MORC1: variants seen among roughly 807,000 people sequenced by gnomAD.
The protein encoded by MORC1 is MORC family CW-type zinc finger 1, also known as MORC family CW-type zinc finger protein 1.
MORC1 carries 59 observed loss-of-function variants against 134.9 expected under a neutral mutation model. The ratio of observed to expected loss-of-function variants is 0.44; its 90% confidence interval spans 0.35 to 0.54. MORC1 has a LOEUF of 0.54. MORC1 is among the 20% of genes least tolerant of loss of function. The pLI, the probability that MORC1 is intolerant of heterozygous loss-of-function variation, is 0.00. For missense variants in MORC1, 947 were observed against 1,134.5 expected, an observed-to-expected ratio of 0.83 and a Z score of 2.37; for synonymous variants, 395 against 391.7, an observed-to-expected ratio of 1.01 and a Z score of -0.10.
rs57164466 is a variant in MORC1 at position 108,991,210 on chromosome 3, T to C, written c.2188-4261A>G. ...AGTAGGAGAATGACATAATATGACA[T>C]ATTCTGGATGATATACTCAGATTTT... is the stretch of plus-strand genomic sequence containing the variant. On this transcript the variant is annotated intron_variant, in intron 21 of 27. Coordinates refer to ENST00000232603, the MANE Select transcript of MORC1 (RefSeq NM_014429.4). Among the ~76,000 whole-genome samples the C allele has an allele frequency of 7.5e-3, 1,138 of 152,294 alleles. 9 individuals carry two copies. The highest frequency in any genetic ancestry group is 0.016 in the African/African-American group (683 of 41,570).
intron 24 of MORC1, among the ~76,000 whole-genome samples, chr3:108,976,008 T>C (rs748615170): frequency 2.2e-4 from 33 of 152,330 alleles, no homozygotes; most frequent in African/African-American, 7.9e-4. Context: ...TATGCTGATA[T>C]ATGTTAGACA....
intron 20 of MORC1, among the ~76,000 whole-genome samples, chr3:109,002,235 G>A (rs1251598997): frequency 1.3e-5 from 2 of 152,308 alleles, no homozygotes; most frequent in African/African-American, 2.4e-5. Flanking sequence ...ATAGTATCTT[G>A]GTTATTGGAG....
intron 8 of MORC1, among the ~76,000 whole-genome samples, chr3:109,082,019 A>C (rs1950529487): frequency 6.6e-6 from 1 of 152,016 alleles, no homozygotes; most frequent in African/African-American, 2.4e-5. Flanking sequence ...GTGCTAGGTA[A>C]CTCAGACAAA....
At chr3:109,099,490 A>G (rs778008458) in intron 5 of MORC1, 24 bp from the exon 6 acceptor site, 4 of 1,544,692 alleles carry the variant, frequency 2.6e-6, no homozygotes, top group African/African-American at 2.8e-5. Flanking sequence ...GAAGAACATC[A>G]TGTTTTACAC....
At chr3:108,987,151 T>C (rs1947916141) in intron 21 of MORC1, among the ~76,000 whole-genome samples, 1 of 152,224 alleles carries the variant, frequency 6.6e-6, no homozygotes, top group Admixed American at 6.5e-5. Flanking sequence ...GATTGCATTA[T>C]CATAGTCATG....
At position 109,046,889 on chromosome 3, in the gene MORC1, A is replaced by C. The variant is rs143656390; in HGVS notation, c.1330+7839T>G. On this transcript the variant is annotated intron_variant, in intron 14 of 27. Coordinates refer to ENST00000232603, the MANE Select transcript of MORC1 (RefSeq NM_014429.4). ...CCTACTCAGTGTAAGTCCCATATACAGTACTTTTTTTTCTTCAAAGATGCA... is the reference window on the plus strand; with the variant it reads ...CCTACTCAGTGTAAGTCCCATATACCGTACTTTTTTTTCTTCAAAGATGCA... Among the ~76,000 whole-genome samples, 86 of 152,294 alleles carry C rather than the reference A, an allele frequency of 5.6e-4. 1 individual carries two copies. In the East Asian group the frequency reaches 0.014, roughly 24 times the overall value.
At chr3:109,029,536 T>C (rs575725021) in intron 16 of MORC1, among the ~76,000 whole-genome samples, 36 of 152,358 alleles carry the variant, frequency 2.4e-4, no homozygotes, top group Admixed American at 2.0e-3. Context: ...TTCAGCCAAG[T>C]AATAGGCATC....
intron 4 of MORC1, among the ~76,000 whole-genome samples, chr3:109,101,201 G>A (rs147594176): frequency 6.6e-6 from 1 of 152,138 alleles, no homozygotes; most frequent in African/African-American, 2.4e-5. Context: ...CTTGGCACTT[G>A]GTGGGTGTTA....
At chr3:109,110,522 A>C (rs936641643) in intron 3 of MORC1, among the ~76,000 whole-genome samples, 5 of 152,222 alleles carry the variant, frequency 3.3e-5, no homozygotes, top group Admixed American at 2.6e-4. Context: ...TACATTCACA[A>C]AACTCTGGAA....
chr3:108,962,127 A>G (rs1355863642), intron 27 of MORC1, among the ~76,000 whole-genome samples: 1 of 152,120 alleles, frequency 6.6e-6, no homozygotes. Flanking sequence ...CTGAAGTGGT[A>G]TGGTTGATAG....
intron 26 of MORC1, among the ~76,000 whole-genome samples, chr3:108,965,970 G>A (rs557111256): frequency 2.6e-5 from 4 of 152,246 alleles, no homozygotes; most frequent in South Asian, 4.1e-4. Flanking sequence ...CAGCCTTTTG[G>A]TTTATTCTCT....
chr3:109,106,635 C>T lies in MORC1; in HGVS notation c.155-2718G>A, dbSNP rs140072973. 2.7e-4 allele frequency among the ~76,000 whole-genome samples: 41 copies of T among 152,288 alleles called. No homozygotes were observed. The East Asian group carries it at 5.8e-3, about 22-fold the overall frequency. On this transcript the variant is annotated intron_variant, in intron 3 of 27. Coordinates refer to ENST00000232603, the MANE Select transcript of MORC1 (RefSeq NM_014429.4). ...TAGGCTTCAGCTGTGCAAGTCAAAA[C>T]CTCGGATCATCATTATGTTCTCCAT... is the stretch of plus-strand genomic sequence containing the variant.
At chr3:109,016,054 A>G (rs1026773087) in intron 17 of MORC1, among the ~76,000 whole-genome samples, 3 of 152,192 alleles carry the variant, frequency 2.0e-5, no homozygotes, top group African/African-American at 7.2e-5. Flanking sequence ...AGGTAATTTT[A>G]TACAATATTT....
At chr3:109,089,836 A>ATTTTC (rs1179698792) in intron 8 of MORC1, among the ~76,000 whole-genome samples, 1 of 151,802 alleles carries the variant, frequency 6.6e-6, no homozygotes, top group Non-Finnish European at 1.5e-5. Context: ...CAAACTCTTG[A>ATTTTC]TTTTCTTTTG....
At chr3:109,048,831 C>G (rs186949541) in intron 14 of MORC1, among the ~76,000 whole-genome samples, 1 of 152,246 alleles carries the variant, frequency 6.6e-6, no homozygotes, top group Non-Finnish European at 1.5e-5. Context: ...CCCACCCAAA[C>G]GACTCCATTT....
intron 14 of MORC1, among the ~76,000 whole-genome samples, chr3:109,051,247 G>A (rs370531048): frequency 5.3e-5 from 8 of 152,162 alleles, no homozygotes; most frequent in East Asian, 1.9e-4. Flanking sequence ...TTGCTGATTC[G>A]ATTTTTACAA....
chr3:109,035,262 C>A, intron 15 of MORC1, 78 bp downstream of exon 15: 2 of 1,326,676 alleles, frequency 1.5e-6, no homozygotes, highest in Non-Finnish European at 2.1e-6. Context: ...TCTCCCTCAT[C>A]CCTCATTTCT....
At chr3:109,038,010 A>T (rs1050938826) in intron 14 of MORC1, among the ~76,000 whole-genome samples, 7 of 152,218 alleles carry the variant, frequency 4.6e-5, no homozygotes, top group African/African-American at 1.7e-4. Flanking sequence ...TCCTTGAGGA[A>T]TTGCCACACT....
chr3:109,096,754 C>T (rs1164931018), intron 6 of MORC1, among the ~76,000 whole-genome samples: 1 of 152,202 alleles, frequency 6.6e-6, no homozygotes, highest in African/African-American at 2.4e-5. Context: ...TTTCACTTCA[C>T]TCTATGAACT....
Sources: allele counts gnomAD v4.1 joint callset (sites outside exome capture counted in the v4.1 genomes callset), GRCh38; gene constraint gnomAD v4.1.1; transcripts MANE v1.5; gene names NCBI Gene and HGNC (gene_info 2026-07-23, HGNC 2026-07-21).